Variants in CNKSR1 observed in about 807,000 individuals in gnomAD.
CNKSR1 encodes CNK homolog protein 1.
CNKSR1 carries 88 observed loss-of-function variants against 95.6 expected under a neutral mutation model. The ratio of observed to expected loss-of-function variants is 0.92; its 90% CI spans 0.78 to 1.10. The LOEUF is 1.10. Among genes scored for constraint, CNKSR1 ranks in the 50% least tolerant of loss-of-function variants. The pLI, the probability that CNKSR1 is intolerant of heterozygous loss-of-function variation, is 0.00. For synonymous variants in CNKSR1, 355 were observed against 369.7 expected (o/e 0.96, Z 0.46); for missense variants, 836 against 912.0 (o/e 0.92, Z 1.07).
At chr1:26,187,565 G>C (rs566188379) in intron 16 of CNKSR1, 83 bp downstream of exon 16, 2 of 1,326,610 alleles carry the variant, frequency 1.5e-6, no homozygotes, top group South Asian at 2.3e-5. Flanking sequence ...GGAGCCTGGA[G>C]ATACAAATTC....
At chr1:26,183,699 T>C in intron 8 of CNKSR1, 30 bp from the exon 9 acceptor site, 1 of 1,508,832 alleles carries the variant, frequency 6.6e-7, no homozygotes, top group South Asian at 1.1e-5. Context: ...CCTGCCCAGG[T>C]TGATACCAGC....
In CNKSR1 at chr1:26,184,125, G is replaced by GC; in HGVS notation, c.914dup (p.Leu306ThrfsTer8). The GC allele has an allele frequency of 6.2e-7, 1 of 1,612,206 alleles. No homozygotes were observed. Among genetic ancestry groups the GC allele is most frequent in the Non-Finnish European group, 8.5e-7 (1 of 1,179,582 alleles). On this transcript the variant is annotated frameshift_variant, in exon 10 of 21. Coordinates refer to ENST00000361530, the MANE Select transcript of CNKSR1 (RefSeq NM_006314.3). LOFTEE classifies it high-confidence loss of function. ...CCAGAGGAGCCCATCACTGTCTCTG[G>GC]CCCCACTGTCTCCCAGGTAACAGGC...
chr1:26,185,265 C>A, intron 14 of CNKSR1, 79 bp downstream of exon 14: 2 of 1,424,094 alleles, frequency 1.4e-6, no homozygotes, highest in Non-Finnish European at 1.9e-6. Flanking sequence ...CTATCATCCA[C>A]TCTTATTCCT....
At chr1:26,180,411 G>A (rs1013711832) in intron 1 of CNKSR1, 42 bp from the exon 2 acceptor site, 4 of 1,611,956 alleles carry the variant, frequency 2.5e-6, no homozygotes, top group Non-Finnish European at 3.4e-6. Context: ...AAAAGGTCCT[G>A]ACACCTCTGC....
At position 26,180,529 on chromosome 1, in the gene CNKSR1, C is replaced by A. The variant is rs1391678637; in HGVS notation, c.129C>A (p.Pro43=). The A allele has an allele frequency of 6.2e-7, 1 of 1,614,228 alleles. No individual in the cohort carries two copies. The highest frequency in any genetic ancestry group is 1.1e-5 in the South Asian group (1 of 91,086). Residue 43 remains proline, a synonymous_variant, in exon 2 of 21, where the codon CCC becomes CCA. Coordinates refer to ENST00000361530, the MANE Select transcript of CNKSR1 (RefSeq NM_006314.3). ...GCAAGAACCTGCTCCAGCTCTGCCC[C>A]CAAAGCCTCGAGGCTCTGGCTGTGC... is the stretch of plus-strand genomic sequence containing the variant. ...LPGKNLLQLC[P]QSLEALAVRS...
At chr1:26,186,913 T>G in intron 14 of CNKSR1, 1 of 468,032 alleles carries the variant, frequency 2.1e-6, no homozygotes, top group East Asian at 3.9e-5. Flanking sequence ...TTCAGGCTCC[T>G]CTTTTTTTTT....
chr1:26,180,821 A>C lies in CNKSR1; in HGVS notation c.317A>C (p.Lys106Thr). The C allele has an allele frequency of 6.2e-7, 1 of 1,614,232 alleles. No individual in the cohort carries two copies. The highest frequency in any genetic ancestry group is 8.5e-7 in the Non-Finnish European group (1 of 1,180,046). Residue 106 changes from lysine to threonine, a missense_variant, in exon 3 of 21, where the codon AAG becomes ACG. Physicochemically the swap from Lys to Thr is moderately conservative, Grantham distance 78 (BLOSUM62 -1). Transcript: ENST00000361530. The part of the protein sequence containing the change: ...IVQGCLGDCA[K>T]TPIDVLCAAV... ...CAAGGCTGCCTGGGGGACTGTGCCA[A>C]GACCCCTATTGATGTCCTCTGTGCA...
intron 1 of CNKSR1, among the ~76,000 whole-genome samples, chr1:26,178,168 G>A (rs1239420366): frequency 6.6e-6 from 1 of 152,144 alleles, no homozygotes; most frequent in African/African-American, 2.4e-5. Flanking sequence ...ATGGGGAGGC[G>A]GTGTCATGAA....
intron 13 of CNKSR1, 139 bp from the exon 14 acceptor site, chr1:26,184,875 A>C: frequency 1.1e-6 from 1 of 937,796 alleles, no homozygotes; most frequent in Non-Finnish European, 1.6e-6. Context: ...ATCCCACCTC[A>C]GAGATGACAC....
chr1:26,187,160 C>T lies in CNKSR1; in HGVS notation c.1309-8C>T. The T allele has an allele frequency of 6.2e-7, 1 of 1,610,440 alleles. No individual in the cohort carries two copies. The highest frequency in any genetic ancestry group is 1.1e-5 in the South Asian group (1 of 90,998). ...TCCAACCTGACCCTCATGCTGTGAT[C>T]CCCCCAGGATGAGAAGGCTGAGGGC... On this transcript the variant is annotated splice_polypyrimidine_tract_variant and splice_region_variant and intron_variant, in intron 14 of 20. Transcript: ENST00000361530.
Position 26,183,336 on chromosome 1 carries a change from C to A in CNKSR1, c.685-10C>A. On this transcript the variant is annotated splice_polypyrimidine_tract_variant and intron_variant, in intron 7 of 20. Coordinates refer to ENST00000361530, the MANE Select transcript of CNKSR1 (RefSeq NM_006314.3). Reference sequence around the variant, plus strand: ...GCCAGGCCAACCTCAGGCCCCATTCCCCACGTCAGGTTCCCACTGACTCCC... The same window carrying A: ...GCCAGGCCAACCTCAGGCCCCATTCACCACGTCAGGTTCCCACTGACTCCC... The A allele has an allele frequency of 6.2e-7, 1 of 1,614,188 alleles. No homozygotes were observed. The highest frequency in any genetic ancestry group is 8.5e-7 in the Non-Finnish European group (1 of 1,180,014).
At chr1:26,188,732 TGGGGTG>T in intron 19 of CNKSR1, 34 bp from the exon 20 acceptor site, 1 of 1,611,404 alleles carries the variant, frequency 6.2e-7, no homozygotes. Flanking sequence ...GGCTGGGGGC[TGGGGTG>T]GGCACATCCT....
rs575660445 is a variant in CNKSR1, at chr1:26,182,283, C to T, written c.478-78C>T. 2.0e-6 allele frequency: 3 copies of T among 1,466,564 alleles called. No individual in the cohort carries two copies. The East Asian group carries it at 6.8e-5, about 33-fold the overall frequency. The allele number at this position is 1,466,564 out of a possible 1,614,324, so 90.8% of individuals were successfully genotyped here. On this transcript the variant is annotated intron_variant, in intron 4 of 20. Coordinates refer to ENST00000361530, the MANE Select transcript of CNKSR1 (RefSeq NM_006314.3). ...GGCAGGGAGGGACTGTACGGAATCC[C>T]ACCCTGCCCCCAGGAGAAGGCAGTC...
At position 26,185,045 on chromosome 1, in the gene CNKSR1, G is replaced by T. The variant is rs748913265; in HGVS notation, c.1167G>T (p.Val389=). 1.2e-6 allele frequency: 2 copies of T among 1,602,998 alleles called. No individual in the cohort carries two copies. Among genetic ancestry groups the T allele is most frequent in the Non-Finnish European group, 1.7e-6 (2 of 1,178,388 alleles). ...CGACCCGGCTGAGCCGCCGGCGGGT[G>T]TCATGCCGTGAGCTGGGCCGGCCGG... is the stretch of plus-strand genomic sequence containing the variant. ...GLATRLSRRR[V]SCRELGRPDC... is the part of the protein sequence containing the mutation. The change falls in exon 14 of 21, where the codon GTG becomes GTT. Residue 389 remains valine (V), a synonymous_variant. Coordinates refer to ENST00000361530, the MANE Select transcript of CNKSR1 (RefSeq NM_006314.3).
chr1:26,188,964 G>A lies in CNKSR1; in HGVS notation c.1872+11G>A. The A allele has an allele frequency of 6.2e-7, 1 of 1,612,576 alleles. No homozygotes were observed. Among genetic ancestry groups the A allele is most frequent in the Non-Finnish European group, 8.5e-7 (1 of 1,179,260 alleles). On this transcript the variant is annotated intron_variant, in intron 20 of 20. Coordinates refer to ENST00000361530, the MANE Select transcript of CNKSR1 (RefSeq NM_006314.3). ...CAGAGCACACTCAAGGTCAGCTGGG[G>A]GGCTCTGGGCACAGCAAGGGACTAG...
rs113455721 is a variant in CNKSR1 at position 26,177,556 on chromosome 1, G to T, written c.9G>T (p.Pro3=). The change falls in exon 1 of 21, where the codon CCG becomes CCT. Residue 3 remains proline, a synonymous_variant. Transcript: ENST00000361530. ...GCTGGCAGAGCTGGGCCATGGAACC[G>T]GTAGAGACCTGGACCCCCGGAAAGG... ME[P]VETWTPGKVA... is the part of the protein sequence containing the mutation. 2.5e-6 allele frequency: 4 copies of T among 1,614,006 alleles called. No homozygotes were observed. The African/African-American group carries it at 5.3e-5, about 22-fold the overall frequency.
Position 26,182,413 on chromosome 1 carries a change from G to T in CNKSR1, c.519+11G>T, listed in dbSNP as rs1387364065. ...ACAGTCCTGAGGATCGTGAGTCTGT[G>T]GGGTGGGAAGAGAGTGGGGGTAGGG... On this transcript the variant is annotated intron_variant, in intron 5 of 20. Coordinates refer to ENST00000361530, the MANE Select transcript of CNKSR1 (RefSeq NM_006314.3). 1 of 1,614,062 alleles carries T rather than the reference G, an allele frequency of 6.2e-7. No individual in the cohort carries two copies.
chr1:26,183,519 C>T lies in CNKSR1; in HGVS notation c.753+105C>T. On this transcript the variant is annotated intron_variant, in intron 8 of 20. Transcript: ENST00000361530. ...AGGGTTCTGACCAGGGTTGTGGGAG[C>T]TGCCTTCCAGGAGATGAGCCAGCTA... 2.3e-6 allele frequency: 3 copies of T among 1,305,626 alleles called. No individual in the cohort carries two copies. In the South Asian group the frequency reaches 3.6e-5, roughly 16 times the overall value. The allele number at this position is 1,305,626 out of a possible 1,614,324, so 80.9% of individuals were successfully genotyped here.
At chr1:26,184,775 AC>A (rs2088718129) in intron 13 of CNKSR1, among the ~76,000 whole-genome samples, 163 bp downstream of exon 13, 1 of 151,614 alleles carries the variant, frequency 6.6e-6, no homozygotes, top group Non-Finnish European at 1.5e-5. Context: ...TGGGCCTCTC[AC>A]CAGACTAGAG....
Sources: allele counts gnomAD v4.1 joint callset (sites outside exome capture counted in the v4.1 genomes callset), GRCh38; gene constraint gnomAD v4.1.1; transcripts MANE v1.5; gene names NCBI Gene and HGNC (gene_info 2026-07-23, HGNC 2026-07-21).